The following BACE2 variants were observed in gnomAD, a reference collection of about 807,000 sequenced individuals.
BACE2 encodes 56 kDa aspartic-like protease.
Under a neutral mutation model 46.2 loss-of-function variants are expected in BACE2, and 17 were observed. That is an observed-to-expected ratio of 0.37 (90% CI 0.25 to 0.55). BACE2 has a LOEUF of 0.55. Ranked by LOEUF, BACE2 falls within the 20% of genes least tolerant of loss-of-function variation. The pLI, the probability that BACE2 is intolerant of heterozygous loss-of-function variation, is 0.82. For synonymous variants in BACE2, 277 were observed against 295.9 expected, an observed-to-expected ratio of 0.94 and a Z score of 0.66; for missense variants, 595 against 698.1, an observed-to-expected ratio of 0.85 and a Z score of 1.66.
chr21:41,258,945 T>G (rs1442038308), intron 8 of BACE2, among the ~76,000 whole-genome samples: 1 of 152,258 alleles, frequency 6.6e-6, no homozygotes, highest in East Asian at 1.9e-4. Flanking sequence ...GGGACTGAAA[T>G]ATCACTGAAT....
rs545601626 is a variant in BACE2 at position 41,216,664 on chromosome 21, G to T, written c.313-9602G>T. Among the ~76,000 whole-genome samples, 8 of 152,332 alleles carry T rather than the reference G, an allele frequency of 5.3e-5. No homozygotes were observed. The South Asian group carries it at 1.5e-3, about 28-fold the overall frequency. ...TGGAGCTTCAGAGGGAGGGAAGCAGGGTGAAGCGTCTCTGGAGAGAGTCCC... is the reference window on the plus strand; with the variant it reads ...TGGAGCTTCAGAGGGAGGGAAGCAGTGTGAAGCGTCTCTGGAGAGAGTCCC... On this transcript the variant is annotated intron_variant, in intron 1 of 8. Transcript: ENST00000330333.
intron 1 of BACE2, chr21:41,175,803 G>A (rs1984810060): frequency 1.3e-5 from 2 of 152,276 alleles, no homozygotes; most frequent in Non-Finnish European, 2.9e-5. Context: ...GTAGCTGGCA[G>A]GAAAGTGGCT....
intron 7 of BACE2, among the ~76,000 whole-genome samples, chr21:41,253,928 C>T (rs1384203825): frequency 6.6e-6 from 1 of 152,140 alleles, no homozygotes; most frequent in African/African-American, 2.4e-5. Flanking sequence ...CATTCCCTTT[C>T]TGGGAGGGGA....
chr21:41,242,187 C>G (rs1324199308), intron 4 of BACE2, among the ~76,000 whole-genome samples: 2 of 149,608 alleles, frequency 1.3e-5, no homozygotes, highest in Non-Finnish European at 3.0e-5. Flanking sequence ...TAAAACTTTT[C>G]TTTACCGCCC....
chr21:41,270,719 C>T (rs1337123679), intron 8 of BACE2, among the ~76,000 whole-genome samples: 1 of 152,172 alleles, frequency 6.6e-6, no homozygotes, highest in East Asian at 1.9e-4. Flanking sequence ...AAACTTATTT[C>T]ATTGTCCAGA....
intron 8 of BACE2, among the ~76,000 whole-genome samples, chr21:41,263,841 G>A (rs183937001): frequency 3.6e-4 from 55 of 152,230 alleles, no homozygotes; most frequent in Admixed American, 2.9e-3. Context: ...TTTTCCCATC[G>A]TGCTATACCC....
In BACE2 at chr21:41,248,250, T is replaced by G. The variant is rs1367887842; in HGVS notation, c.984+2187T>G. Among the ~76,000 whole-genome samples the G allele has an allele frequency of 2.0e-5, 3 of 152,162 alleles. No individual in the cohort carries two copies. The East Asian group carries it at 5.8e-4, about 29-fold the overall frequency. ...TGAAAATGGCTTCTAACTTTAACAC[T>G]CTGTGATCTGAGGGTCGAAACTGGC... On this transcript the variant is annotated intron_variant, in intron 6 of 8. Coordinates refer to ENST00000330333, the MANE Select transcript of BACE2 (RefSeq NM_012105.5).
At chr21:41,184,883 T>C (rs1041044767) in intron 1 of BACE2, 1 of 167,034 alleles carries the variant, frequency 6.0e-6, no homozygotes, top group African/African-American at 2.4e-5. Context: ...ATTTTCCTTC[T>C]CTTTTACAAA....
At chr21:41,258,925 G>A (rs532324368) in intron 8 of BACE2, among the ~76,000 whole-genome samples, 3 of 152,250 alleles carry the variant, frequency 2.0e-5, no homozygotes, top group African/African-American at 7.2e-5. Flanking sequence ...CTTTCTCTGT[G>A]GCAGCAGGTG....
At chr21:41,179,323 C>T (rs1176755372) in intron 1 of BACE2, 6 of 1,276,120 alleles carry the variant, frequency 4.7e-6, no homozygotes, top group Non-Finnish European at 6.1e-6. Flanking sequence ...GTGAGAGTGT[C>T]CAGGGTGAGG....
chr21:41,252,732 A>G (rs929958151), intron 7 of BACE2, among the ~76,000 whole-genome samples: 1 of 152,198 alleles, frequency 6.6e-6, no homozygotes, highest in Admixed American at 6.5e-5. Context: ...GCAATTGATG[A>G]ATTTGAGATA....
intron 6 of BACE2, among the ~76,000 whole-genome samples, chr21:41,248,797 G>A (rs908020417): frequency 2.6e-5 from 4 of 152,178 alleles, no homozygotes; most frequent in Non-Finnish European, 4.4e-5. Flanking sequence ...CGTGGACATC[G>A]GCAGATGCAT....
At chr21:41,247,879 C>G (rs1987519490) in intron 6 of BACE2, among the ~76,000 whole-genome samples, 1 of 152,214 alleles carries the variant, frequency 6.6e-6, no homozygotes, top group Non-Finnish European at 1.5e-5. Flanking sequence ...GGCTTACCGT[C>G]TCTGGACCAA....
chr21:41,206,971 T>C (rs1189076290), intron 1 of BACE2, among the ~76,000 whole-genome samples: 1 of 152,236 alleles, frequency 6.6e-6, no homozygotes, highest in East Asian at 1.9e-4. Context: ...TGAATGTTGG[T>C]AACTAGGGTA....
chr21:41,270,899 T>C (rs1440232159), intron 8 of BACE2, among the ~76,000 whole-genome samples: 2 of 152,246 alleles, frequency 1.3e-5, no homozygotes, highest in Non-Finnish European at 2.9e-5. Flanking sequence ...GAGAAACGGA[T>C]ATTGGAATCT....
At chr21:41,246,701 G>T (rs116345404) in intron 6 of BACE2, among the ~76,000 whole-genome samples, 1 of 152,116 alleles carries the variant, frequency 6.6e-6, no homozygotes, top group African/African-American at 2.4e-5. Context: ...CCTGGCTGAT[G>T]GTATTTCTGG....
intron 1 of BACE2, among the ~76,000 whole-genome samples, chr21:41,208,445 C>T (rs562738565): frequency 3.9e-4 from 59 of 152,296 alleles, no homozygotes; most frequent in African/African-American, 7.2e-4. Context: ...TCGCCCAAGC[C>T]GGGCTGGGAA....
chr21:41,226,233 T>C (rs1331978389), intron 1 of BACE2, 33 bp from the exon 2 acceptor site: 1 of 1,547,866 alleles, frequency 6.5e-7, no homozygotes, highest in Non-Finnish European at 8.9e-7. Context: ...ACTTGATGCT[T>C]TCTATTTTTT....
chr21:41,249,436 C>T (rs985242568), intron 6 of BACE2, among the ~76,000 whole-genome samples: 4 of 152,198 alleles, frequency 2.6e-5, no homozygotes, highest in Admixed American at 6.5e-5. Flanking sequence ...CACTTGGACA[C>T]GTGAACCACA....
Sources: allele counts gnomAD v4.1 joint callset (sites outside exome capture counted in the v4.1 genomes callset), GRCh38; gene constraint gnomAD v4.1.1; transcripts MANE v1.5; gene names NCBI Gene and HGNC (gene_info 2026-07-23, HGNC 2026-07-21).